Variants in ARHGAP22 observed in about 807,000 individuals in gnomAD.
The protein encoded by ARHGAP22 is Rho GTPase activating protein 22.
ARHGAP22 carries 48 observed loss-of-function variants against 59.1 expected under a neutral mutation model. That is an observed-to-expected ratio of 0.81 (90% CI 0.64 to 1.03). The LOEUF (loss-of-function observed/expected upper bound fraction) is 1.03, where lower values mean the gene tolerates loss of function less well. ARHGAP22 is among the 50% of genes least tolerant of loss of function. ARHGAP22 has a pLI of 0.00. For synonymous variants in ARHGAP22, 445 were observed against 416.4 expected, an observed-to-expected ratio of 1.07 and a Z score of -0.84; for missense variants, 1,015 against 958.7, an observed-to-expected ratio of 1.06 and a Z score of -0.78.
intron 4 of ARHGAP22, among the ~76,000 whole-genome samples, chr10:48,468,945 G>A (rs2047972767): frequency 6.6e-6 from 1 of 152,156 alleles, no homozygotes; most frequent in African/African-American, 2.4e-5. Flanking sequence ...CCTACCAACA[G>A]AGCCTGGCAT....
chr10:48,555,757 G>A (rs888725023), intron 2 of ARHGAP22, among the ~76,000 whole-genome samples: 42 of 152,206 alleles, frequency 2.8e-4, no homozygotes, highest in African/African-American at 1.0e-3. Context: ...GGTGGACACT[G>A]TAGTCTGCAT....
chr10:48,501,648 T>A (rs759729698), intron 3 of ARHGAP22, among the ~76,000 whole-genome samples: 6 of 152,198 alleles, frequency 3.9e-5, no homozygotes, highest in Non-Finnish European at 7.3e-5. Context: ...TCAGATAAAT[T>A]TGTACACGTG....
rs535346147 is a variant in ARHGAP22, at chr10:48,494,777, G to A, written c.323-15013C>T. 5.3e-5 allele frequency among the ~76,000 whole-genome samples: 8 copies of A among 152,274 alleles called. No homozygotes were observed. In the South Asian group the frequency reaches 1.2e-3, roughly 24 times the overall value. The stretch of plus-strand genomic sequence containing the variant: ...ACTCTGATGTGACTGTGGGCCTCCA[G>A]GTCCCTCGGACCACCTCTCCTCCCC... On this transcript the variant is annotated intron_variant, in intron 3 of 9. Transcript: ENST00000249601.
chr10:48,538,119 G>T (rs1270981673), intron 3 of ARHGAP22, among the ~76,000 whole-genome samples: 1 of 152,214 alleles, frequency 6.6e-6, no homozygotes, highest in Non-Finnish European at 1.5e-5. Context: ...CAGGATCGCG[G>T]TGGAGCTCTA....
At chr10:48,547,241 G>A (rs187748326) in intron 3 of ARHGAP22, among the ~76,000 whole-genome samples, 1 of 152,356 alleles carries the variant, frequency 6.6e-6, no homozygotes, top group Admixed American at 6.5e-5. Context: ...CGCGTGTGGT[G>A]TGTCTGGCGA....
chr10:48,444,254 T>TGTCA (rs1238166175), downstream of ARHGAP22: 1 of 152,234 alleles, frequency 6.6e-6, no homozygotes, highest in African/African-American at 2.4e-5. Flanking sequence ...AATGGGAATC[T>TGTCA]GTCAGTTTGG....
upstream of ARHGAP22, among the ~76,000 whole-genome samples, chr10:48,609,719 G>A (rs564781790): frequency 3.3e-5 from 5 of 152,244 alleles, no homozygotes; most frequent in East Asian, 9.6e-4. Context: ...AGTGCTGTAT[G>A]GAGTTCGGCA....
At chr10:48,478,526 G>A (rs991436407) in intron 4 of ARHGAP22, among the ~76,000 whole-genome samples, 2 of 152,198 alleles carry the variant, frequency 1.3e-5, no homozygotes, top group African/African-American at 4.8e-5. Flanking sequence ...CCCAGACTGT[G>A]TGCTGATCAA....
In ARHGAP22 at chr10:48,453,441, G is replaced by T. The variant is rs1266644051; in HGVS notation, c.867-16C>A. The T allele has an allele frequency of 6.2e-7, 1 of 1,613,206 alleles. No homozygotes were observed. ...ATCCAGAAACCTGCAAAGTAAGGAA[G>T]CAGCAGTCATCAAAGAAGCAAGTTG... On this transcript the variant is annotated splice_polypyrimidine_tract_variant and intron_variant, in intron 7 of 9. Transcript: ENST00000249601.
At chr10:48,643,361 C>T (rs2062138638) in intron 1 of ARHGAP22, among the ~76,000 whole-genome samples, 1 of 152,170 alleles carries the variant, frequency 6.6e-6, no homozygotes, top group South Asian at 2.1e-4. Flanking sequence ...CCCAAATGCT[C>T]ATCAATGATA....
chr10:48,541,460 C>T lies in ARHGAP22; in HGVS notation c.322+14003G>A, dbSNP rs540827019. On this transcript the variant is annotated intron_variant, in intron 3 of 9. Coordinates refer to ENST00000249601, the MANE Select transcript of ARHGAP22 (RefSeq NM_021226.4). Reference sequence around the variant, plus strand: ...CTTCTGTGTCTCTGTGTCACAGAACCGTGGTGCCCAGCACCAGCCTGATCT... The same window carrying T: ...CTTCTGTGTCTCTGTGTCACAGAACTGTGGTGCCCAGCACCAGCCTGATCT... 1.5e-3 allele frequency among the ~76,000 whole-genome samples: 230 copies of T among 152,302 alleles called. 1 individual carries two copies. Among genetic ancestry groups the T allele is most frequent in the Non-Finnish European group, 1.7e-3 (117 of 68,010 alleles).
chr10:48,458,576 A>T (rs1396335404), intron 5 of ARHGAP22, among the ~76,000 whole-genome samples: 1 of 152,198 alleles, frequency 6.6e-6, no homozygotes, highest in Non-Finnish European at 1.5e-5. Context: ...GAAGCCCCTC[A>T]GGTAGCATCA....
At chr10:48,569,253 G>A (rs557201189) in intron 2 of ARHGAP22, among the ~76,000 whole-genome samples, 10 of 152,228 alleles carry the variant, frequency 6.6e-5, no homozygotes, top group Non-Finnish European at 8.8e-5. Flanking sequence ...GTGCCAGGCT[G>A]ATCTGCTGAG....
intron 1 of ARHGAP22, among the ~76,000 whole-genome samples, chr10:48,587,908 T>C (rs188905737): frequency 6.6e-6 from 1 of 152,346 alleles, no homozygotes; most frequent in Admixed American, 6.5e-5. Context: ...TGCTGCACCC[T>C]CTGTCCCAGC....
At chr10:48,509,031 T>C (rs925864708) in intron 3 of ARHGAP22, among the ~76,000 whole-genome samples, 5 of 152,254 alleles carry the variant, frequency 3.3e-5, no homozygotes, top group Non-Finnish European at 7.3e-5. Flanking sequence ...CCCGCGGCTC[T>C]GAAACTGAAT....
At chr10:48,582,197 C>A (rs2059158774) in intron 2 of ARHGAP22, among the ~76,000 whole-genome samples, 2 of 152,154 alleles carry the variant, frequency 1.3e-5, no homozygotes, top group African/African-American at 4.8e-5. Context: ...GGGGATCTGC[C>A]CTCTCTGACT....
At chr10:48,442,132 G>A (rs968913973), downstream of ARHGAP22, among the ~76,000 whole-genome samples, 1 of 152,202 alleles carries the variant, frequency 6.6e-6, no homozygotes, top group African/African-American at 2.4e-5. Context: ...TGATATTATA[G>A]TGATGTGAGC....
intron 3 of ARHGAP22, among the ~76,000 whole-genome samples, chr10:48,524,538 C>T (rs1480321113): frequency 6.6e-6 from 1 of 152,094 alleles, no homozygotes; most frequent in African/African-American, 2.4e-5. Context: ...CCACACCGGC[C>T]TGGCCTCCCC....
At chr10:48,598,813 T>A (rs80324840) in intron 1 of ARHGAP22, among the ~76,000 whole-genome samples, 5,190 of 152,306 alleles carry the variant, frequency 0.034, 287 homozygotes, top group African/African-American at 0.12. Flanking sequence ...GGTTGCCACC[T>A]CTGGGCCTTA....
Sources: gnomAD v4.1 joint callset for allele counts (sites outside exome capture counted in the v4.1 genomes callset) on GRCh38, gnomAD v4.1.1 for gene constraint, MANE v1.5 for transcripts, NCBI Gene and HGNC (gene_info 2026-07-23, HGNC 2026-07-21) for gene names.